The following CCT3 variants were observed in gnomAD, a reference collection of about 807,000 sequenced individuals.
CCT3 encodes the protein chaperonin containing TCP1 subunit 3.
A neutral mutation model predicts 65.3 loss-of-function variants in CCT3; 10 were observed. The ratio of observed to expected loss-of-function variants is 0.15; its 90% CI spans 0.09 to 0.26. The LOEUF (loss-of-function observed/expected upper bound fraction) is 0.26, where lower values mean the gene tolerates loss of function less well. Ranked by LOEUF, CCT3 falls within the 10% of genes least tolerant of loss-of-function variation. The probability of loss-of-function intolerance (pLI) is 1.00; values close to 1 mark genes in which losing one functional copy is unlikely to be tolerated. For missense variants in CCT3, 626 were observed against 708.7 expected (o/e 0.88, Z 1.33); for synonymous variants, 225 against 242.3 (o/e 0.93, Z 0.66).
chr1:156,317,659 A>ACTC, intron 8 of CCT3, 112 bp from the exon 9 acceptor site: 1 of 1,053,308 alleles, frequency 9.5e-7, no homozygotes, highest in African/African-American at 1.6e-5. Context: ...AGTCAGAATT[A>ACTC]TGTTAAAGCC....
chr1:156,327,612 G>C (rs1203033290), intron 5 of CCT3, among the ~76,000 whole-genome samples: 1 of 152,146 alleles, frequency 6.6e-6, no homozygotes, highest in African/African-American at 2.4e-5. Context: ...GCCCAGGCTG[G>C]AGTGCAGTGG....
intron 1 of CCT3, 101 bp downstream of exon 1, chr1:156,338,053 C>T: frequency 7.8e-7 from 1 of 1,288,776 alleles, no homozygotes; most frequent in South Asian, 1.3e-5. Flanking sequence ...TTGGAAGGCT[C>T]AGTGGCCCGG....
In CCT3 at chr1:156,318,853, G is replaced by A; in HGVS notation, c.759+15C>T. On this transcript the variant is annotated intron_variant, in intron 8 of 13. Transcript: ENST00000295688. ...TTCTTGCATCTACTTTAAGGAACAA[G>A]GCCAAGAACCTTACCTGGCTTTCTC... The A allele has an allele frequency of 1.2e-6, 2 of 1,605,296 alleles. No homozygotes were observed. The highest frequency in any genetic ancestry group is 1.7e-6 in the Non-Finnish European group (2 of 1,177,146).
intron 5 of CCT3, among the ~76,000 whole-genome samples, chr1:156,327,320 A>ATG (rs1664865428): frequency 6.6e-5 from 10 of 150,928 alleles, no homozygotes; most frequent in Non-Finnish European, 1.5e-4. Context: ...CTCTCTTTCC[A>ATG]CGGTCTCCCT....
intron 5 of CCT3, among the ~76,000 whole-genome samples, chr1:156,325,520 C>G (rs904542781): frequency 1.3e-5 from 2 of 151,562 alleles, no homozygotes; most frequent in African/African-American, 4.9e-5. Context: ...AGAGTGAGAC[C>G]CTATCTCAAA....
chr1:156,331,410 C>A lies in CCT3; in HGVS notation c.304+2137G>T, dbSNP rs533311420. On this transcript the variant is annotated intron_variant, in intron 5 of 13. Coordinates refer to ENST00000295688, the MANE Select transcript of CCT3 (RefSeq NM_005998.5). Reference sequence around the variant, plus strand: ...TAAATTAGCATCCCTTGGCTGGGCGCAGTGGCTCACACCTGTAATCCCAGT... The same window carrying A: ...TAAATTAGCATCCCTTGGCTGGGCGAAGTGGCTCACACCTGTAATCCCAGT... Among the ~76,000 whole-genome samples the A allele has an allele frequency of 2.3e-3, 344 of 152,226 alleles. 1 individual carries two copies. Among genetic ancestry groups the A allele is most frequent in the African/African-American group, 7.8e-3 (323 of 41,512 alleles).
chr1:156,331,957 G>A (rs377159219), intron 5 of CCT3, among the ~76,000 whole-genome samples: 3 of 151,996 alleles, frequency 2.0e-5, no homozygotes, highest in African/African-American at 7.2e-5. Flanking sequence ...GCTCGAACCC[G>A]AGAGGGGGAG....
intron 10 of CCT3, among the ~76,000 whole-genome samples, chr1:156,313,487 G>A (rs1320836143): frequency 6.6e-6 from 1 of 152,096 alleles, no homozygotes; most frequent in African/African-American, 2.4e-5. Flanking sequence ...TAGTAAGAAA[G>A]AGAAGGGAGC....
Position 156,324,777 on chromosome 1 carries a change from G to A in CCT3, c.422+195C>T, listed in dbSNP as rs190841704. ...CAAGTAGCTGGGACGACACGCATGC[G>A]CCACCATGCCCAACTAATTTTTTGT... is the stretch of plus-strand genomic sequence containing the variant. On this transcript the variant is annotated intron_variant, in intron 6 of 13. Coordinates refer to ENST00000295688, the MANE Select transcript of CCT3 (RefSeq NM_005998.5). Among the ~76,000 whole-genome samples the A allele has an allele frequency of 1.5e-3, 227 of 148,870 alleles. 1 individual carries two copies. The highest frequency in any genetic ancestry group is 2.1e-3 in the Non-Finnish European group (138 of 66,492).
intron 1 of CCT3, 104 bp downstream of exon 1, chr1:156,338,050 G>A (rs746645321): frequency 6.7e-5 from 84 of 1,252,080 alleles, no homozygotes; most frequent in Non-Finnish European, 9.6e-5. Flanking sequence ...TGATTGGAAG[G>A]CTCAGTGGCC....
intron 1 of CCT3, 78 bp downstream of exon 1, chr1:156,338,076 G>T: frequency 6.7e-7 from 1 of 1,486,786 alleles, no homozygotes; most frequent in African/African-American, 1.4e-5. Context: ...AGTGGGGGAC[G>T]GAGCTGGGGC....
At chr1:156,324,181 C>A (rs1558269344) in intron 6 of CCT3, among the ~76,000 whole-genome samples, 1 of 152,150 alleles carries the variant, frequency 6.6e-6, no homozygotes, top group East Asian at 1.9e-4. Context: ...GATTCTCCTG[C>A]CTCAGCCTCC....
At chr1:156,315,451 C>T (rs766748853) in intron 10 of CCT3, among the ~76,000 whole-genome samples, 1 of 152,172 alleles carries the variant, frequency 6.6e-6, no homozygotes. Flanking sequence ...TCAGGTGATC[C>T]ACCTGCCTTG....
At chr1:156,337,754 C>T (rs1665491366) in intron 1 of CCT3, 1 of 233,992 alleles carries the variant, frequency 4.3e-6, no homozygotes, top group Non-Finnish European at 8.4e-6. Context: ...ATTACCGCTA[C>T]TAAGGGATGG....
chr1:156,314,586 C>T (rs909914031), intron 10 of CCT3, among the ~76,000 whole-genome samples: 3 of 152,018 alleles, frequency 2.0e-5, no homozygotes, highest in East Asian at 1.9e-4. Flanking sequence ...TGGTGGCTCA[C>T]GCCTGTAATC....
chr1:156,327,847 G>A (rs1464271959), intron 5 of CCT3, among the ~76,000 whole-genome samples: 9 of 149,858 alleles, frequency 6.0e-5, no homozygotes, highest in African/African-American at 2.0e-4. Context: ...AGTGAGGAGC[G>A]TCTCTGCCCG....
At chr1:156,329,303 CTTTTTTTTT>C (rs765770849) in intron 5 of CCT3, among the ~76,000 whole-genome samples, 2 of 119,526 alleles carry the variant, frequency 1.7e-5, no homozygotes, top group East Asian at 2.5e-4. Flanking sequence ...GTATCCCCAT[CTTTTTTTTT>C]TTTTTTTTTT....
chr1:156,338,151 C>T lies in CCT3; in HGVS notation c.31+3G>A. On this transcript the variant is annotated splice_donor_region_variant and intron_variant, in intron 1 of 13. Coordinates refer to ENST00000295688, the MANE Select transcript of CCT3 (RefSeq NM_005998.5). ...TCCATTTCCTGGCATCCCCAGAACT[C>T]ACTGAGCACGAGCACTGGACGATGG... 2.5e-6 allele frequency: 4 copies of T among 1,586,636 alleles called. No individual in the cohort carries two copies. Among genetic ancestry groups the T allele is most frequent in the Non-Finnish European group, 3.4e-6 (4 of 1,168,094 alleles).
At chr1:156,309,426 AG>A (rs1363742720) in intron 13 of CCT3, 123 bp from the exon 14 acceptor site, 1 of 683,970 alleles carries the variant, frequency 1.5e-6, no homozygotes, top group African/African-American at 1.8e-5. Context: ...CTACCTTTTC[AG>A]TCTTTTATTT....
Sources: allele counts gnomAD v4.1 joint callset (sites outside exome capture counted in the v4.1 genomes callset), GRCh38; gene constraint gnomAD v4.1.1; transcripts MANE v1.5; gene names NCBI Gene and HGNC (gene_info 2026-07-23, HGNC 2026-07-21).